FAM53B: variants seen among roughly 807,000 people sequenced by gnomAD.
The protein encoded by FAM53B is family with sequence similarity 53 member B, also known as protein FAM53B.
FAM53B carries 12 observed loss-of-function variants against 32.7 expected under a neutral mutation model. The observed-to-expected ratio is 0.37, with a 90% CI of 0.24 to 0.59. The LOEUF is 0.59. Ranked by LOEUF, FAM53B falls within the 20% of genes least tolerant of loss-of-function variation. The pLI is 0.72. For synonymous variants in FAM53B, 234 were observed against 228.7 expected (o/e 1.02, Z -0.21); for missense variants, 477 against 577.7 (o/e 0.83, Z 1.79).
intron 4 of FAM53B, among the ~76,000 whole-genome samples, chr10:124,628,486 T>C (rs542702670): frequency 3.3e-5 from 5 of 152,188 alleles, no homozygotes; most frequent in Admixed American, 3.3e-4. Context: ...CTGGAGGCAC[T>C]GAGATCCTCC....
At position 124,623,339 on chromosome 10, in the gene FAM53B, G is replaced by A. The variant is rs147886380; in HGVS notation, c.1172C>T (p.Ala391Val). The A allele has an allele frequency of 2.5e-3, 4,013 of 1,612,018 alleles. 13 individuals carry two copies. Among genetic ancestry groups the A allele is most frequent in the Non-Finnish European group, 2.4e-3 (2,787 of 1,179,706 alleles). Residue 391 changes from alanine to valine, a missense_variant, in exon 5 of 5, where the codon GCG (alanine) becomes GTG (valine). Around this residue, in one of 2 missense-constraint regions of FAM53B, gnomAD observed 165 missense variants for 157.5 expected, o/e 1.05. Coordinates refer to ENST00000337318, the MANE Select transcript of FAM53B (RefSeq NM_014661.4). ...GTCCCGCCAGGCTGCAGCCGGCTCC[G>A]CTCTCCTGCCACAATCCTCGTCCAG... ...CALDEDCGRRAEPAAAWRDRG... is the reference protein window; with the variant it reads ...CALDEDCGRRVEPAAAWRDRG...
chr10:124,697,886 C>G (rs1949884911), intron 2 of FAM53B, among the ~76,000 whole-genome samples: 1 of 152,122 alleles, frequency 6.6e-6, no homozygotes, highest in African/African-American at 2.4e-5. Context: ...GTGGAAATAT[C>G]TGGGAAGAAT....
At chr10:124,698,315 ACTGG>A (rs2134079614) in intron 2 of FAM53B, among the ~76,000 whole-genome samples, 1 of 152,246 alleles carries the variant, frequency 6.6e-6, no homozygotes, top group African/African-American at 2.4e-5. Context: ...CGCGTGCTTC[ACTGG>A]CATGCATGCA....
intron 1 of FAM53B, among the ~76,000 whole-genome samples, chr10:124,718,044 A>G (rs1457403361): frequency 6.6e-6 from 1 of 151,828 alleles, no homozygotes; most frequent in Non-Finnish European, 1.5e-5. Context: ...CACTGCACAG[A>G]GGGAAGGTAA....
At chr10:124,633,246 G>GAAA in intron 4 of FAM53B, among the ~76,000 whole-genome samples, 1 of 135,794 alleles carries the variant, frequency 7.4e-6, no homozygotes, top group South Asian at 2.3e-4. Context: ...AAAATTGATA[G>GAAA]AAAAAAAAAA....
chr10:124,700,864 C>T (rs1949911074), intron 2 of FAM53B, among the ~76,000 whole-genome samples: 1 of 152,180 alleles, frequency 6.6e-6, no homozygotes, highest in Non-Finnish European at 1.5e-5. Flanking sequence ...GCGCTCATGC[C>T]CTGCGGGGGA....
intron 4 of FAM53B, among the ~76,000 whole-genome samples, chr10:124,665,232 C>T (rs1949661776): frequency 6.6e-6 from 1 of 152,228 alleles, no homozygotes; most frequent in South Asian, 2.1e-4. Context: ...CTCTTACTGC[C>T]CCAAACTTGT....
intron 2 of FAM53B, 52 bp from the exon 3 acceptor site, chr10:124,696,264 T>G: frequency 6.9e-7 from 1 of 1,455,080 alleles, no homozygotes; most frequent in Non-Finnish European, 9.7e-7. Flanking sequence ...GAAGCATGTT[T>G]GCACTGACTC....
chr10:124,692,661 GA>G (rs1358393109), intron 3 of FAM53B, among the ~76,000 whole-genome samples: 4 of 119,650 alleles, frequency 3.3e-5, no homozygotes, highest in African/African-American at 1.3e-4. Flanking sequence ...GTTGCCCTGA[GA>G]CAAGAATGCG....
At chr10:124,732,087 G>C (rs1950147252) in intron 1 of FAM53B, among the ~76,000 whole-genome samples, 1 of 152,214 alleles carries the variant, frequency 6.6e-6, no homozygotes, top group African/African-American at 2.4e-5. Flanking sequence ...ACCAGTGGCT[G>C]TGACCACCAT....
chr10:124,725,379 C>G (rs895429368), intron 1 of FAM53B, among the ~76,000 whole-genome samples: 9 of 152,048 alleles, frequency 5.9e-5, no homozygotes, highest in African/African-American at 2.2e-4. Flanking sequence ...AGAAAGGGTA[C>G]AGCAGTTGAT....
chr10:124,739,733 C>A (rs1289448244), intron 1 of FAM53B, among the ~76,000 whole-genome samples: 3 of 152,128 alleles, frequency 2.0e-5, no homozygotes, highest in African/African-American at 7.2e-5. Flanking sequence ...CTTCCCCGTG[C>A]AGCCCCCACA....
intron 4 of FAM53B, among the ~76,000 whole-genome samples, chr10:124,643,508 C>T (rs1949489996): frequency 6.6e-6 from 1 of 152,264 alleles, no homozygotes; most frequent in South Asian, 2.1e-4. Flanking sequence ...TCACTCGTCG[C>T]CCGGGCCCGG....
intron 4 of FAM53B, among the ~76,000 whole-genome samples, chr10:124,670,585 G>A (rs1273351236): frequency 5.3e-5 from 8 of 151,974 alleles, no homozygotes; most frequent in East Asian, 3.9e-4. Flanking sequence ...CCCAGTCACC[G>A]CAGCCTCGCC....
chr10:124,738,098 ACAGAG>A (rs1484862942), intron 1 of FAM53B, among the ~76,000 whole-genome samples: 1 of 23,356 alleles, frequency 4.3e-5, no homozygotes, highest in Non-Finnish European at 7.7e-5. Flanking sequence ...CTTCACCAAG[ACAGAG>A]CAGCAGCAGC....
In FAM53B at chr10:124,633,461, T is replaced by G. The variant is rs151323244; in HGVS notation, c.907-9857A>C. On this transcript the variant is annotated intron_variant, in intron 4 of 4. Transcript: ENST00000337318. ...AATTTTCAAGTTTTTAATGAAAAAATAAACAAGTGAGATTAGTCAGGAAAA... is the reference window on the plus strand; with the variant it reads ...AATTTTCAAGTTTTTAATGAAAAAAGAAACAAGTGAGATTAGTCAGGAAAA... 7.0e-4 allele frequency among the ~76,000 whole-genome samples: 107 copies of G among 152,102 alleles called. No homozygotes were observed. The East Asian group carries it at 0.018, about 26-fold the overall frequency.
At chr10:124,671,277 T>C in intron 4 of FAM53B, 1 of 438,690 alleles carries the variant, frequency 2.3e-6, no homozygotes, top group South Asian at 1.6e-5. Flanking sequence ...CGCCCCTGCC[T>C]CTCAGGTCTT....
intron 4 of FAM53B, among the ~76,000 whole-genome samples, chr10:124,654,721 T>C (rs1193585916): frequency 1.3e-5 from 2 of 152,074 alleles, no homozygotes; most frequent in African/African-American, 4.8e-5. Context: ...TGAGTGGTGT[T>C]GTGGGTAGGG....
intron 4 of FAM53B, among the ~76,000 whole-genome samples, chr10:124,636,289 A>AT (rs548021129): frequency 2.2e-4 from 32 of 148,732 alleles, no homozygotes; most frequent in Middle Eastern, 3.5e-3. Flanking sequence ...AAGCGTATGA[A>AT]TTTTTTTTTT....
Sources: allele counts gnomAD v4.1 joint callset (sites outside exome capture counted in the v4.1 genomes callset), GRCh38; gene constraint gnomAD v4.1.1; regional missense constraint gnomAD v4.1.1; transcripts MANE v1.5; gene names NCBI Gene and HGNC (gene_info 2026-07-23, HGNC 2026-07-21).